Variants in KMT2B observed in about 807,000 individuals in gnomAD.
KMT2B encodes the protein histone-lysine N-methyltransferase 2B.
A neutral mutation model predicts 255.3 loss-of-function variants in KMT2B; 22 were observed. The ratio of observed to expected loss-of-function variants is 0.09; its 90% CI spans 0.06 to 0.12. The LOEUF (loss-of-function observed/expected upper bound fraction) is 0.12, where lower values mean the gene tolerates loss of function less well. Ranked by LOEUF, KMT2B falls within the 10% of genes least tolerant of loss-of-function variation. KMT2B has a pLI of 1.00. For missense variants in KMT2B, 3,149 were observed against 3,737.0 expected, an observed-to-expected ratio of 0.84 and a Z score of 4.10; for synonymous variants, 1,730 against 1,498.1, an observed-to-expected ratio of 1.15 and a Z score of -3.57.
chr19:35,723,844 G>A lies in KMT2B; in HGVS notation c.3171G>A (p.Glu1057=), dbSNP rs757772770. The change falls in exon 8 of 37, where the codon GAG becomes GAA. Residue 1057 remains glutamate, a synonymous_variant. Transcript: ENST00000420124. This position sits in a 1 kb window ranked among gnomAD's most constrained non-coding sequence, Gnocchi z 7.5. ...RGAGAGGPRE[E]VVAHPGPEEQ... ...CGGGAGCTGGGGGGCCCCGGGAGGA[G>A]GTGGTGGCCCACCCAGGGCCCGAGG... 29 of 1,602,958 alleles carry A rather than the reference G, an allele frequency of 1.8e-5. 1 individual carries two copies. The African/African-American group carries it at 1.9e-4, about 10-fold the overall frequency.
chr19:35,727,871 C>T lies in KMT2B; in HGVS notation c.4393-10C>T, dbSNP rs765892779. 4 of 1,609,580 alleles carry T rather than the reference C, an allele frequency of 2.5e-6. No individual in the cohort carries two copies. In the South Asian group the frequency reaches 3.3e-5, roughly 13 times the overall value. On this transcript the variant is annotated splice_polypyrimidine_tract_variant and intron_variant, in intron 17 of 36. Coordinates refer to ENST00000420124, the MANE Select transcript of KMT2B (RefSeq NM_014727.3). This position sits in a 1 kb window ranked among gnomAD's most constrained non-coding sequence, Gnocchi z 4.2. ...AGAGGGGACTCAGTCTCTGACAAAC[C>T]CCCTTACAGCACAGCTTCATGGAGG...
At chr19:35,734,314 A>G (rs915030747) in intron 30 of KMT2B, among the ~76,000 whole-genome samples, 12 of 152,148 alleles carry the variant, frequency 7.9e-5, no homozygotes, top group South Asian at 2.1e-4. Flanking sequence ...CAGCTGCCAC[A>G]GAGACTGCCA....
At position 35,736,832 on chromosome 19, in the gene KMT2B, G is replaced by GT; in HGVS notation, c.7297+6dup. 1.2e-6 allele frequency: 2 copies of GT among 1,614,000 alleles called. No individual in the cohort carries two copies. The highest frequency in any genetic ancestry group is 1.7e-6 in the Non-Finnish European group (2 of 1,179,874). On this transcript the variant is annotated splice_donor_region_variant and intron_variant, in intron 31 of 36. Transcript: ENST00000420124. ...TTGAGGCAGAGAGCTTGGAGGGTGA[G>GT]TGGGGGGAGTGCAGTGGCAGGAGGG...
Position 35,726,247 on chromosome 19 carries a change from C to T in KMT2B, c.3897C>T (p.Ala1299=), listed in dbSNP as rs761109288. 5.0e-6 allele frequency: 8 copies of T among 1,613,426 alleles called. No individual in the cohort carries two copies. Among genetic ancestry groups the T allele is most frequent in the South Asian group, 1.1e-5 (1 of 91,078 alleles). ...CCCTGCTCCCCCAGATCTGTTCAGC[C>T]TGTGTGCGCTGTAAGAGCTGTGGGG... ...TRKRRHWICS[A]CVRCKSCGAT... The change falls in exon 14 of 37, where the codon GCC becomes GCT. Residue 1299 remains alanine (A), a synonymous_variant. Transcript: ENST00000420124.
chr19:35,730,654 C>T (rs771926530), intron 25 of KMT2B, 38 bp downstream of exon 25: 2 of 1,613,738 alleles, frequency 1.2e-6, no homozygotes, highest in Non-Finnish European at 1.7e-6. Context: ...CAGGGGACTC[C>T]ATAGCTGGAT....
In KMT2B at chr19:35,719,475, C is replaced by A. The variant is rs1471589178; in HGVS notation, c.370C>A (p.Gln124Lys). Residue 124 changes from glutamine to lysine, a missense_variant, in exon 2 of 37, where the codon CAG becomes AAG. Transcript: ENST00000420124. ...SDGESDEEEF[Q>K]GFHSDEDVAP... ...CCCCGGTCCCCTAAATCAGGAGTTT[C>A]AGGGTTTTCATTCAGATGAAGATGT... is the stretch of plus-strand genomic sequence containing the variant. 6.3e-7 allele frequency: 1 copy of A among 1,583,546 alleles called. No homozygotes were observed. The highest frequency in any genetic ancestry group is 8.6e-7 in the Non-Finnish European group (1 of 1,164,772).
chr19:35,737,954 TGGG>T lies in KMT2B; in HGVS notation c.7742+17_7742+19del. 19 of 1,603,270 alleles carry T rather than the reference TGGG, an allele frequency of 1.2e-5. No individual in the cohort carries two copies. Among genetic ancestry groups the T allele is most frequent in the Non-Finnish European group, 1.5e-5 (18 of 1,174,600 alleles). ...GTGGGTGTCTACAGGTGAGTGGGGT[TGGG>T]GGGGAGGATGCCCCTTGGGTGGACG... On this transcript the variant is annotated intron_variant, in intron 35 of 36. Coordinates refer to ENST00000420124, the MANE Select transcript of KMT2B (RefSeq NM_014727.3). This position sits in a 1 kb window ranked among gnomAD's most constrained non-coding sequence, Gnocchi z 5.3.
chr19:35,734,482 C>T (rs115960532), intron 30 of KMT2B, among the ~76,000 whole-genome samples: 4,079 of 152,192 alleles, frequency 0.027, 173 homozygotes, highest in African/African-American at 0.087. Flanking sequence ...GGTGGGCGAG[C>T]AGCGTGGAGG....
Position 35,718,648 on chromosome 19 carries a change from A to G in KMT2B, c.363+267A>G, listed in dbSNP as rs1969055914. 6.6e-6 allele frequency among the ~76,000 whole-genome samples: 1 copy of G among 152,208 alleles called. No individual in the cohort carries two copies. The highest frequency in any genetic ancestry group is 2.1e-4 in the South Asian group (1 of 4,834). On this transcript the variant is annotated intron_variant, in intron 1 of 36. Coordinates refer to ENST00000420124, the MANE Select transcript of KMT2B (RefSeq NM_014727.3). The surrounding 1 kb of genome is among the most constrained non-coding windows in gnomAD (Gnocchi z 5.0). ...GGCCGATCCTTTTCGGCAGCTGGCA[A>G]AGCTAGGGCGGTGGAGGTTTGGGCG...
Position 35,733,118 on chromosome 19 carries a change from A to G in KMT2B, c.6569A>G (p.Lys2190Arg). ...GAGCCCCCCAAACCCGCCACATCCAAAATCATACTTGTCAACAAGCTGGGG... is the reference window on the plus strand; with the variant it reads ...GAGCCCCCCAAACCCGCCACATCCAGAATCATACTTGTCAACAAGCTGGGG... ...APEPPKPATSKIILVNKLGQV... is the reference protein window; with the variant it reads ...APEPPKPATSRIILVNKLGQV... The change falls in exon 28 of 37, where the codon AAA becomes AGA. Residue 2190 changes from lysine to arginine, a missense_variant. By Grantham distance (26) the Lys-to-Arg change is conservative. Around this residue, in one of 18 missense-constraint regions of KMT2B, gnomAD observed 897 missense variants for 825.3 expected, o/e 1.09. Transcript: ENST00000420124. This position sits in a 1 kb window ranked among gnomAD's most constrained non-coding sequence, Gnocchi z 4.3. The G allele has an allele frequency of 6.3e-7, 1 of 1,591,490 alleles. No individual in the cohort carries two copies. The highest frequency in any genetic ancestry group is 8.6e-7 in the Non-Finnish European group (1 of 1,168,776).
At chr19:35,728,958 A>G in intron 20 of KMT2B, 27 bp from the exon 21 acceptor site, 1 of 1,613,402 alleles carries the variant, frequency 6.2e-7, no homozygotes, top group Non-Finnish European at 8.5e-7. Flanking sequence ...CCTGATTCTT[A>G]GACCTCCCTT....
chr19:35,722,749 G>T (rs769699130), intron 5 of KMT2B, 31 bp downstream of exon 5: 1 of 1,552,802 alleles, frequency 6.4e-7, no homozygotes, highest in Non-Finnish European at 8.7e-7. Context: ...GCCATGTCAG[G>T]TTTGGGGATG....
Position 35,722,409 on chromosome 19 carries a change from C to A in KMT2B, c.2508C>A (p.Ile836=). ...AGGTGGCCGGGGCTGTCAAGCAGAT[C>A]TCCGACAGAGGCCCTGTCCGGTCTG... is the stretch of plus-strand genomic sequence containing the variant. ...MEEVAGAVKQ[I]SDRGPVRSED... is the part of the protein sequence containing the mutation. Residue 836 remains isoleucine (I), a synonymous_variant, in exon 4 of 37, where the codon ATC becomes ATA. Transcript: ENST00000420124. The A allele has an allele frequency of 6.2e-7, 1 of 1,611,116 alleles. No homozygotes were observed. Among genetic ancestry groups the A allele is most frequent in the Non-Finnish European group, 8.5e-7 (1 of 1,179,830 alleles).
Position 35,719,829 on chromosome 19 carries a change from TTCC to T in KMT2B, c.491_493del (p.Pro164del), listed in dbSNP as rs775454703. 3.4e-5 allele frequency: 54 copies of T among 1,610,812 alleles called. No homozygotes were observed. Among genetic ancestry groups the T allele is most frequent in the Admixed American group, 8.4e-5 (5 of 59,460 alleles). ...GGTCGCAAGCATAAGACGACCCCCC[TTCC>T]TCCTCCTCGCCTAGCAGATGTGGCT... On this transcript the variant is annotated inframe_deletion, in exon 3 of 37. Coordinates refer to ENST00000420124, the MANE Select transcript of KMT2B (RefSeq NM_014727.3).
Position 35,732,601 on chromosome 19 carries a change from G to T in KMT2B, c.6052G>T (p.Gly2018Trp). ...VAAGAMGSSH[G>W]GPGDSSEEES... ...CGCTGGGGCCATGGGGAGCAGCCAC[G>T]GGGGCCCGGGGGACAGCTCCGAGGA... Residue 2018 changes from glycine to tryptophan, a missense_variant, in exon 28 of 37, where the codon GGG (glycine) becomes TGG (tryptophan). By Grantham distance (184) the Gly-to-Trp change is radical (BLOSUM62 -2). Coordinates refer to ENST00000420124, the MANE Select transcript of KMT2B (RefSeq NM_014727.3). 1 of 1,612,758 alleles carries T rather than the reference G, an allele frequency of 6.2e-7. No individual in the cohort carries two copies. Among genetic ancestry groups the T allele is most frequent in the Non-Finnish European group, 8.5e-7 (1 of 1,179,530 alleles).
At chr19:35,719,643 T>C (rs1296128859) in intron 2 of KMT2B, 102 bp downstream of exon 2, 4 of 1,499,430 alleles carry the variant, frequency 2.7e-6, no homozygotes, top group Admixed American at 1.8e-5. Context: ...AGTTGCCGAA[T>C]GTGTTCTGTG....
In KMT2B at chr19:35,738,404, C is replaced by G; in HGVS notation, c.7995C>G (p.His2665Gln). 1 of 1,614,140 alleles carries G rather than the reference C, an allele frequency of 6.2e-7. No homozygotes were observed. Among genetic ancestry groups the G allele is most frequent in the East Asian group, 2.2e-5 (1 of 44,880 alleles). The change falls in exon 37 of 37, where the codon CAC becomes CAG. Residue 2665 changes from histidine to glutamine, a missense_variant. This residue lies in a region of KMT2B where 56 missense variants were observed against 238.8 expected (regional missense o/e 0.23). Transcript: ENST00000420124. This position sits in a 1 kb window ranked among gnomAD's most constrained non-coding sequence, Gnocchi z 8.7. ...CEPNCFSRVI[H>Q]VEGQKHIVIF... ...CCAACTGCTTCTCTCGGGTCATCCA[C>G]GTGGAGGGCCAGAAACACATTGTTA... is the stretch of plus-strand genomic sequence containing the variant.
rs758091418 is a variant in KMT2B, at chr19:35,719,772, T to C, written c.437-12T>C. On this transcript the variant is annotated splice_polypyrimidine_tract_variant and intron_variant, in intron 2 of 36. Transcript: ENST00000420124. ...GGCTTGATCCATCTCCCCACAACTA[T>C]TCTCCTTTTAGGTCGAGCGCCCCGA... 1.5e-5 allele frequency: 23 copies of C among 1,571,256 alleles called. No homozygotes were observed. Among genetic ancestry groups the C allele is most frequent in the Non-Finnish European group, 2.0e-5 (23 of 1,159,770 alleles).
rs780254604 is a variant in KMT2B at position 35,737,618 on chromosome 19, C to T, written c.7551-18C>T. On this transcript the variant is annotated intron_variant, in intron 33 of 36. Coordinates refer to ENST00000420124, the MANE Select transcript of KMT2B (RefSeq NM_014727.3). The surrounding 1 kb of genome is among the most constrained non-coding windows in gnomAD (Gnocchi z 5.3). ...GTCTTCAACAGTATATTCCTCCTTC[C>T]CCTGCTGCCACCTGCAGGAAGTGCA... 6.6e-7 allele frequency: 1 copy of T among 1,519,574 alleles called. No individual in the cohort carries two copies. Among genetic ancestry groups the T allele is most frequent in the South Asian group, 1.2e-5 (1 of 83,054 alleles). The allele number at this position is 1,519,574 out of a possible 1,614,324, so 94.1% of individuals were successfully genotyped here.
Sources: gnomAD v4.1 joint callset for allele counts (sites outside exome capture counted in the v4.1 genomes callset) on GRCh38, gnomAD v4.1.1 for gene constraint, gnomAD v4.1.1 regional missense constraint, Gnocchi (gnomAD v3.1) non-coding constraint, MANE v1.5 for transcripts, NCBI Gene and HGNC (gene_info 2026-07-23, HGNC 2026-07-21) for gene names.